The following IL7 variants were observed in gnomAD, a reference collection of about 807,000 sequenced individuals.
The protein encoded by IL7 is interleukin 7.
A neutral mutation model predicts 21.6 loss-of-function variants in IL7; 3 were observed. That is an observed-to-expected ratio of 0.14 (90% CI 0.06 to 0.36). The LOEUF (loss-of-function observed/expected upper bound fraction) is 0.36. IL7 is among the 10% of genes least tolerant of loss of function. The pLI, the probability that IL7 is intolerant of heterozygous loss-of-function variation, is 1.00. For missense variants in IL7, 175 were observed against 200.2 expected (o/e 0.87, Z 0.76); for synonymous variants, 62 against 68.1 (o/e 0.91, Z 0.44).
chr8:78,783,758 T>C (rs1813419254), intron 2 of IL7, among the ~76,000 whole-genome samples: 1 of 152,150 alleles, frequency 6.6e-6, no homozygotes, highest in Non-Finnish European at 1.5e-5. Flanking sequence ...AGATGAAGTA[T>C]GAGATGGATA....
At chr8:78,731,716 G>C (rs1025631660), downstream of IL7, among the ~76,000 whole-genome samples, 1 of 151,952 alleles carries the variant, frequency 6.6e-6, no homozygotes, top group African/African-American at 2.4e-5. Flanking sequence ...TATCTTGTTA[G>C]AGGCTAGGAA....
At chr8:78,686,571 C>A (rs762779542) in intron 3 of IL7, 22 of 1,535,402 alleles carry the variant, frequency 1.4e-5, no homozygotes, top group Non-Finnish European at 1.8e-5. Flanking sequence ...AAGAGGGTGG[C>A]AAACTTCCTC....
chr8:78,703,676 T>C (rs1226972235), intron 3 of IL7, among the ~76,000 whole-genome samples: 1 of 152,146 alleles, frequency 6.6e-6, no homozygotes, highest in Non-Finnish European at 1.5e-5. Flanking sequence ...TGTGTGTCAT[T>C]GCATGAGATG....
Position 78,794,615 on chromosome 8 carries a change from A to G in IL7, c.147+3457T>C, listed in dbSNP as rs575159675. ...TTGTTTAGTGTAGCCACTTTTACCA[A>G]TCATCTTAGCTAGACCTTCTGGATA... On this transcript the variant is annotated intron_variant, in intron 2 of 5. Transcript: ENST00000263851. Among the ~76,000 whole-genome samples the G allele has an allele frequency of 3.3e-5, 5 of 152,174 alleles. No individual in the cohort carries two copies. The East Asian group carries it at 9.7e-4, about 29-fold the overall frequency.
chr8:78,687,853 ATAAT>A (rs1810067073), intron 3 of IL7, among the ~76,000 whole-genome samples: 1 of 87,388 alleles, frequency 1.1e-5, no homozygotes, highest in Non-Finnish European at 2.9e-5. Context: ...ATATATTTAT[ATAAT>A]ATATATCTAT....
intron 2 of IL7, among the ~76,000 whole-genome samples, chr8:78,779,070 T>A (rs1384995405): frequency 2.6e-5 from 4 of 152,214 alleles, no homozygotes. Context: ...ATAGGAATGC[T>A]TGTGATTTTT....
chr8:78,758,068 T>C (rs944115161), intron 2 of IL7, among the ~76,000 whole-genome samples: 2 of 152,092 alleles, frequency 1.3e-5, no homozygotes, highest in Admixed American at 6.6e-5. Flanking sequence ...TGTGAGTCCA[T>C]TTAACCTCTT....
intron 2 of IL7, among the ~76,000 whole-genome samples, chr8:78,763,895 C>T (rs1382801762): frequency 6.6e-6 from 1 of 152,014 alleles, no homozygotes; most frequent in African/African-American, 2.4e-5. Flanking sequence ...TAGACAAGTA[C>T]CTCTCATGAA....
rs1347706246 is a variant in IL7 at position 78,804,984 on chromosome 8, G to T, written c.-62C>A. 1.3e-6 allele frequency: 2 copies of T among 1,576,892 alleles called. No individual in the cohort carries two copies. Among genetic ancestry groups the T allele is most frequent in the Non-Finnish European group, 1.7e-6 (2 of 1,154,772 alleles). On this transcript the variant is annotated 5_prime_UTR_variant, in exon 1 of 6. Transcript: ENST00000263851. The stretch of plus-strand genomic sequence containing the variant: ...ACTGGAGCAGGAGCAAGCTCTCACC[G>T]CCCATAGTCACTCCCAGGACCCTGG...
chr8:78,735,271 C>CTTTTTTTTTT (rs1355245853), intron 5 of IL7, among the ~76,000 whole-genome samples: 1 of 28,738 alleles, frequency 3.5e-5, no homozygotes, highest in Non-Finnish European at 6.8e-5. Flanking sequence ...GTTATCTTTT[C>CTTTTTTTTTT]TTTTCTTTTT....
Position 78,701,697 on chromosome 8 carries a change from G to A in IL7, n.215-15750C>T, listed in dbSNP as rs569226944. ...ACCTAGTTTATTGAGAGTTTTTAAC[G>A]TGAAGGGATGTTGAATTTTATTGAA... On this transcript the variant is annotated intron_variant and non_coding_transcript_variant, in intron 3 of 4. Transcript: ENST00000523959. 5.3e-5 allele frequency among the ~76,000 whole-genome samples: 8 copies of A among 152,260 alleles called. No homozygotes were observed. The South Asian group carries it at 6.2e-4, about 12-fold the overall frequency.
chr8:78,691,427 T>C (rs950904317), intron 3 of IL7, among the ~76,000 whole-genome samples: 2 of 152,184 alleles, frequency 1.3e-5, no homozygotes, highest in Non-Finnish European at 2.9e-5. Flanking sequence ...TATAGCCATT[T>C]TAACATAATT....
intron 2 of IL7, chr8:78,762,015 G>A: frequency 6.2e-7 from 1 of 1,602,398 alleles, no homozygotes; most frequent in Admixed American, 1.7e-5. Context: ...CTGGGGTTCT[G>A]AGCATTGCTA....
chr8:78,719,432 C>G (rs141261837), intron 5 of IL7: 8 of 151,502 alleles, frequency 5.3e-5, no homozygotes, highest in Admixed American at 1.3e-4. Flanking sequence ...TTATGACTTA[C>G]GAAATATGTT....
intron 2 of IL7, among the ~76,000 whole-genome samples, chr8:78,796,239 T>C (rs571624232): frequency 8.1e-4 from 123 of 152,122 alleles, no homozygotes; most frequent in Non-Finnish European, 1.6e-3. Flanking sequence ...AGGACATAGG[T>C]TAATATACAA....
intron 3 of IL7, chr8:78,686,670 T>C: frequency 2.2e-6 from 3 of 1,383,726 alleles, no homozygotes; most frequent in Non-Finnish European, 2.8e-6. Context: ...AGAGTTTTTA[T>C]AAATTTTCAC....
At position 78,745,251 on chromosome 8, in the gene IL7, A is replaced by G. The variant is rs376696431; in HGVS notation, c.148-5169T>C. On this transcript the variant is annotated intron_variant, in intron 2 of 5. Coordinates refer to ENST00000263851, the MANE Select transcript of IL7 (RefSeq NM_000880.4). ...TACATTTTAAGTATCTTCTTTAGAAACACTAATTACATAAAAAATGAATCT... is the reference window on the plus strand; with the variant it reads ...TACATTTTAAGTATCTTCTTTAGAAGCACTAATTACATAAAAAATGAATCT... Among the ~76,000 whole-genome samples, 55 of 152,356 alleles carry G rather than the reference A, an allele frequency of 3.6e-4. 1 individual carries two copies. The East Asian group carries it at 0.01, about 28-fold the overall frequency.
chr8:78,733,932 G>A, intron 5 of IL7, 100 bp from the exon 6 acceptor site: 1 of 803,284 alleles, frequency 1.2e-6, no homozygotes. Context: ...TGAAAAACTG[G>A]TGCAATGAAA....
intron 2 of IL7, among the ~76,000 whole-genome samples, chr8:78,758,957 A>G (rs1812446670): frequency 6.6e-6 from 1 of 151,158 alleles, no homozygotes; most frequent in Non-Finnish European, 1.5e-5. Context: ...TGGCATTTCC[A>G]TTTTCTTATT....
Sources: gnomAD v4.1 joint callset for allele counts (sites outside exome capture counted in the v4.1 genomes callset) on GRCh38, gnomAD v4.1.1 for gene constraint, MANE v1.5 for transcripts, NCBI Gene and HGNC (gene_info 2026-07-23, HGNC 2026-07-21) for gene names.